Variants in VANGL1 observed in about 807,000 individuals in gnomAD.
VANGL1 encodes VANGL planar cell polarity protein 1.
VANGL1 carries 18 observed loss-of-function variants against 48.4 expected under a neutral mutation model. The ratio of observed to expected loss-of-function variants is 0.37; its 90% CI spans 0.26 to 0.55. The LOEUF is 0.55. Among genes scored for constraint, VANGL1 ranks in the 20% least tolerant of loss-of-function variants. VANGL1 has a pLI of 0.81. For synonymous variants in VANGL1, 257 were observed against 261.8 expected (o/e 0.98, Z 0.18); for missense variants, 667 against 675.8 (o/e 0.99, Z 0.14).
chr1:115,691,359 C>T lies in VANGL1; in HGVS notation c.1555C>T (p.Gln519Ter), dbSNP rs1653828791. The T allele has an allele frequency of 6.2e-7, 1 of 1,613,864 alleles. No individual in the cohort carries two copies. The highest frequency in any genetic ancestry group is 8.5e-7 in the Non-Finnish European group (1 of 1,179,988). The change falls in exon 8 of 8, where the codon CAG (glutamine) becomes TAG (stop). Residue 519 changes from glutamine (Q) to a stop codon, truncating the protein, a stop_gained. Coordinates refer to ENST00000355485, the MANE Select transcript of VANGL1 (RefSeq NM_138959.3). LOFTEE classifies it high-confidence loss of function. ...ATCTCACAAATTTGTCCTTCGCTTACAGTCTGAGACATCCGTTTAAAAGTT... is the reference window on the plus strand; with the variant it reads ...ATCTCACAAATTTGTCCTTCGCTTATAGTCTGAGACATCCGTTTAAAAGTT... ...PKSHKFVLRL[Q>*]SETSV
At position 115,659,830 on chromosome 1, in the gene VANGL1, TA is replaced by T. The variant is rs1388988309; in HGVS notation, c.204+60del. The T allele has an allele frequency of 1.4e-4, 226 of 1,611,272 alleles. 1 individual carries two copies. The highest frequency in any genetic ancestry group is 1.9e-4 in the Non-Finnish European group (223 of 1,177,624). On this transcript the variant is annotated intron_variant, in intron 3 of 7. Coordinates refer to ENST00000355485, the MANE Select transcript of VANGL1 (RefSeq NM_138959.3). ...GCCACTTGGCCAAGACTCCTGTCTG[TA>T]AATGTTTTCCTTAGGTTCTCTTGGA...
At chr1:115,689,073 G>A (rs539469689) in intron 7 of VANGL1, among the ~76,000 whole-genome samples, 2 of 137,766 alleles carry the variant, frequency 1.5e-5, no homozygotes, top group African/African-American at 2.7e-5. Flanking sequence ...TTACAGGCAT[G>A]AGCCACTGCG....
At chr1:115,691,002 C>A (rs1653807461) in intron 7 of VANGL1, 117 bp from the exon 8 acceptor site, 7 of 1,420,620 alleles carry the variant, frequency 4.9e-6, no homozygotes, top group Non-Finnish European at 5.8e-6. Context: ...GGGCTCTGGT[C>A]TAAGCTGGTT....
In VANGL1 at chr1:115,682,465, A is replaced by T. The variant is rs886045119; in HGVS notation, c.914A>T (p.His305Leu). The change falls in exon 5 of 8, where the codon CAT (histidine) becomes CTT (leucine). Residue 305 changes from histidine to leucine, a missense_variant. By Grantham distance (99) the His-to-Leu change is moderately conservative. Coordinates refer to ENST00000355485, the MANE Select transcript of VANGL1 (RefSeq NM_138959.3). ...GCCTCCAAATTCCGAGCAGCCAAGC[A>T]TATGGCCGGGCTGAAAGTCTACAAT... Reference protein sequence around the residue: ...LTASKFRAAKHMAGLKVYNVD... With the variant: ...LTASKFRAAKLMAGLKVYNVD... 5 of 1,614,096 alleles carry T rather than the reference A, an allele frequency of 3.1e-6. No homozygotes were observed. The Admixed American group carries it at 6.7e-5, about 22-fold the overall frequency.
rs368071458 is a variant in VANGL1 at position 115,683,998 on chromosome 1, G to C, written c.1001G>C (p.Arg334Pro). The C allele has an allele frequency of 1.2e-6, 2 of 1,613,986 alleles. No individual in the cohort carries two copies. Among genetic ancestry groups the C allele is most frequent in the African/African-American group, 2.7e-5 (2 of 74,898 alleles). The change falls in exon 6 of 8, where the codon CGG (arginine) becomes CCG (proline). Residue 334 changes from arginine (R) to proline (P), a missense_variant. Physicochemically the swap from Arg to Pro is moderately radical, Grantham distance 103. Coordinates refer to ENST00000355485, the MANE Select transcript of VANGL1 (RefSeq NM_138959.3). ...CGGGCCATGATTGCTGCAGCTGCTC[G>C]GCGCAGGGACTCAAGCCACAACGAG... ...QSRAMIAAAA[R>P]RRDSSHNELY... is the part of the protein sequence containing the mutation.
chr1:115,647,806 C>T (rs1158295708), intron 1 of VANGL1, among the ~76,000 whole-genome samples: 1 of 152,166 alleles, frequency 6.6e-6, no homozygotes, highest in African/African-American at 2.4e-5. Context: ...TTGGGAAGAA[C>T]AGGACAGGAT....
chr1:115,678,349 G>A (rs911849552), intron 4 of VANGL1, among the ~76,000 whole-genome samples: 4 of 152,244 alleles, frequency 2.6e-5, no homozygotes, highest in African/African-American at 9.6e-5. Context: ...GGCACGGACA[G>A]TGGCGGAGGG....
chr1:115,658,942 TACAC>T (rs539690975), intron 2 of VANGL1, among the ~76,000 whole-genome samples: 2 of 150,132 alleles, frequency 1.3e-5, no homozygotes, highest in East Asian at 1.9e-4. Context: ...CCTCCCCATG[TACAC>T]ACACACACAC....
chr1:115,684,503 C>T (rs1351473477), intron 6 of VANGL1, among the ~76,000 whole-genome samples: 1 of 152,134 alleles, frequency 6.6e-6, no homozygotes, highest in Admixed American at 6.5e-5. Flanking sequence ...AAAAACATGA[C>T]CTGCTGGGAC....
intron 2 of VANGL1, 47 bp downstream of exon 2, chr1:115,651,531 C>T: frequency 6.4e-7 from 1 of 1,571,044 alleles, no homozygotes; most frequent in Non-Finnish European, 8.8e-7. Flanking sequence ...GGGAAACCTA[C>T]AGGTTGGTGG....
intron 4 of VANGL1, among the ~76,000 whole-genome samples, chr1:115,678,822 GGC>G (rs1653265374): frequency 1.3e-5 from 2 of 152,026 alleles, no homozygotes; most frequent in South Asian, 4.2e-4. Flanking sequence ...TGGGCGTGGT[GGC>G]ACGTGCTGTA....
chr1:115,682,262 T>C, intron 4 of VANGL1, 102 bp from the exon 5 acceptor site: 1 of 1,477,142 alleles, frequency 6.8e-7, no homozygotes, highest in Non-Finnish European at 9.2e-7. Flanking sequence ...AGATTATCTT[T>C]GATGTTGTGT....
At chr1:115,645,114 C>T (rs942047475) in intron 1 of VANGL1, among the ~76,000 whole-genome samples, 1 of 152,182 alleles carries the variant, frequency 6.6e-6, no homozygotes, top group Admixed American at 6.5e-5. Flanking sequence ...GCCCATGCCC[C>T]TCCAAATAAA....
At chr1:115,643,590 T>C (rs1651814184) in intron 1 of VANGL1, among the ~76,000 whole-genome samples, 1 of 152,222 alleles carries the variant, frequency 6.6e-6, no homozygotes, top group South Asian at 2.1e-4. Flanking sequence ...GGAATTTCAC[T>C]ATTAACAATG....
intron 4 of VANGL1, among the ~76,000 whole-genome samples, chr1:115,665,072 A>C (rs1652722623): frequency 6.6e-6 from 1 of 152,238 alleles, no homozygotes; most frequent in African/African-American, 2.4e-5. Flanking sequence ...AGCCTCATTT[A>C]GGATTCACTC....
rs1382646316 is a variant in VANGL1 at position 115,691,922 on chromosome 1, ATCACAACAAAAAATGTACACTG to A, written c.*546_*567del. 1.3e-5 allele frequency: 2 copies of A among 153,980 alleles called. No individual in the cohort carries two copies. Among genetic ancestry groups the A allele is most frequent in the East Asian group, 3.8e-4 (2 of 5,218 alleles). The allele number at this position is 153,980 out of a possible 1,614,324, so 9.5% of individuals were successfully genotyped here. On this transcript the variant is annotated 3_prime_UTR_variant, in exon 8 of 8. Transcript: ENST00000355485. The stretch of plus-strand genomic sequence containing the variant: ...GTTGCCTTAGGTTCTTCAGAGAAAG[ATCACAACAAAAAATGTACACTG>A]TCGTTTACAGCTATTAAGTGATTTG...
chr1:115,666,911 C>G (rs1360752903), intron 4 of VANGL1, among the ~76,000 whole-genome samples: 1 of 152,212 alleles, frequency 6.6e-6, no homozygotes. Context: ...TTGTGTGGGC[C>G]TGGTCACCTG....
At position 115,693,122 on chromosome 1, in the gene VANGL1, T is replaced by C. The variant is rs975162955; in HGVS notation, c.*1743T>C. 6.6e-6 allele frequency: 1 copy of C among 152,548 alleles called. No individual in the cohort carries two copies. Among genetic ancestry groups the C allele is most frequent in the Non-Finnish European group, 1.5e-5 (1 of 68,040 alleles). 9.4% of individuals were successfully genotyped at this position (152,548 alleles called of 1,614,324 possible). A position where few individuals can be genotyped will look rare whatever the true frequency, so the allele number is the denominator to read the frequency against. On this transcript the variant is annotated 3_prime_UTR_variant, in exon 8 of 8. Transcript: ENST00000355485. ...GAAGAAGGAAGGGGGAACCCATAGG[T>C]GTGGCGTGGAGCCAAGATGTACTAT...
chr1:115,688,988 T>A lies in VANGL1; in HGVS notation c.1315-2131T>A, dbSNP rs1036237358. 4.4e-5 allele frequency among the ~76,000 whole-genome samples: 6 copies of A among 135,584 alleles called. 2 individuals carry two copies. Among genetic ancestry groups the A allele is most frequent in the African/African-American group, 1.7e-4 (6 of 35,840 alleles). 88.9% of individuals were successfully genotyped at this position (135,584 alleles called of 152,430 possible). A position where few individuals can be genotyped will look rare whatever the true frequency, so the allele number is the denominator to read the frequency against. ...TTGTATTTTTAGTAGAGACGGGGTT[T>A]CACCGTGTTAGCCAGGATGGTCTCA... On this transcript the variant is annotated intron_variant, in intron 7 of 7. Transcript: ENST00000355485.
Sources: gnomAD v4.1 joint callset for allele counts (sites outside exome capture counted in the v4.1 genomes callset) on GRCh38, gnomAD v4.1.1 for gene constraint, MANE v1.5 for transcripts, NCBI Gene and HGNC (gene_info 2026-07-23, HGNC 2026-07-21) for gene names.